Variants in SSR1 observed in about 807,000 individuals in gnomAD.
SSR1 encodes the protein signal sequence receptor subunit 1.
In SSR1, 13 loss-of-function variants were observed where a neutral mutation model predicts 36.1. That is an observed-to-expected ratio of 0.36 (90% CI 0.23 to 0.57). The LOEUF (loss-of-function observed/expected upper bound fraction) is 0.57, where lower values mean the gene tolerates loss of function less well. Ranked by LOEUF, SSR1 falls within the 20% of genes least tolerant of loss-of-function variation. The pLI is 0.81. For missense variants in SSR1, 291 were observed against 338.5 expected, an observed-to-expected ratio of 0.86 and a Z score of 1.10; for synonymous variants, 113 against 118.9, an observed-to-expected ratio of 0.95 and a Z score of 0.32.
At chr6:7,298,225 CA>C (rs1254904152) in intron 5 of SSR1, among the ~76,000 whole-genome samples, 3 of 152,076 alleles carry the variant, frequency 2.0e-5, no homozygotes, top group African/African-American at 7.2e-5. Flanking sequence ...AATAGAATTA[CA>C]ATTTATGCTC....
At position 7,289,066 on chromosome 6, in the gene SSR1, C is replaced by T. The variant is rs1442986208; in HGVS notation, c.*798G>A. The T allele has an allele frequency of 6.6e-6, 1 of 152,170 alleles. No individual in the cohort carries two copies. Among genetic ancestry groups the T allele is most frequent in the African/African-American group, 2.4e-5 (1 of 41,436 alleles). 9.4% of individuals were successfully genotyped at this position (152,170 alleles called of 1,614,324 possible). On this transcript the variant is annotated 3_prime_UTR_variant, in exon 8 of 8. Transcript: ENST00000244763. ...AAAACAAAACAAAAAAACCTACACACAACTGAGTGAGTAGGTCTAAAATCA... is the reference window on the plus strand; with the variant it reads ...AAAACAAAACAAAAAAACCTACACATAACTGAGTGAGTAGGTCTAAAATCA...
chr6:7,312,649 G>A (rs1295726418), intron 1 of SSR1, among the ~76,000 whole-genome samples: 1 of 152,228 alleles, frequency 6.6e-6, no homozygotes, highest in African/African-American at 2.4e-5. Context: ...AGCGGAGCCG[G>A]AGGTGGCCAA....
chr6:7,310,324 C>T (rs757491822), intron 1 of SSR1, among the ~76,000 whole-genome samples: 2 of 151,036 alleles, frequency 1.3e-5, no homozygotes, highest in African/African-American at 4.9e-5. Flanking sequence ...AACTCCTGGG[C>T]CCAAGTGATC....
chr6:7,301,676 T>G (rs1757937367), intron 3 of SSR1, 104 bp from the exon 4 acceptor site: 1 of 1,257,850 alleles, frequency 8.0e-7, no homozygotes, highest in African/African-American at 1.5e-5. Flanking sequence ...CTGTGGACTT[T>G]GGTGTCAGAA....
chr6:7,297,618 G>A (rs1025684451), intron 6 of SSR1, among the ~76,000 whole-genome samples: 6 of 151,988 alleles, frequency 3.9e-5, no homozygotes, highest in African/African-American at 9.7e-5. Context: ...CCAGCTAACC[G>A]GGAGGCTGAG....
Position 7,303,546 on chromosome 6 carries a change from T to C in SSR1, c.280+4A>G. On this transcript the variant is annotated splice_donor_region_variant and intron_variant, in intron 3 of 7. Transcript: ENST00000244763. ...CTGAATTAAAACTAATACTTCTGTATTACCTTCTCCTTTTACAAACAGTAT... is the reference window on the plus strand; with the variant it reads ...CTGAATTAAAACTAATACTTCTGTACTACCTTCTCCTTTTACAAACAGTAT... 1.2e-6 allele frequency: 2 copies of C among 1,602,334 alleles called. No homozygotes were observed. The highest frequency in any genetic ancestry group is 1.7e-6 in the Non-Finnish European group (2 of 1,173,520).
intron 2 of SSR1, among the ~76,000 whole-genome samples, chr6:7,304,116 T>G (rs1757999787): frequency 6.6e-6 from 1 of 152,222 alleles, no homozygotes; most frequent in African/African-American, 2.4e-5. Context: ...TGCCTACCAA[T>G]TCTTTGGGGA....
chr6:7,297,109 A>G, intron 6 of SSR1: 2 of 342,788 alleles, frequency 5.8e-6, no homozygotes, highest in South Asian at 2.0e-5. Context: ...TAGTTCGACT[A>G]CTCAGGAAGC....
chr6:7,308,052 A>G (rs1254668230), intron 2 of SSR1, among the ~76,000 whole-genome samples: 1 of 152,238 alleles, frequency 6.6e-6, no homozygotes, highest in Non-Finnish European at 1.5e-5. Context: ...ATTAACAACA[A>G]TGCAGCAGAA....
chr6:7,291,322 G>C (rs1229746737), intron 7 of SSR1, among the ~76,000 whole-genome samples: 1 of 151,666 alleles, frequency 6.6e-6, no homozygotes, highest in Non-Finnish European at 1.5e-5. Context: ...CACTTGAACC[G>C]AGGGGCCGGA....
chr6:7,313,065 A>T lies in SSR1; in HGVS notation c.56T>A (p.Val19Asp). Residue 19 changes from valine to aspartate, a missense_variant, in exon 1 of 8, where the codon GTC (valine) becomes GAC (aspartate). By Grantham distance (152) the Val-to-Asp change is radical. Coordinates refer to ENST00000244763, the MANE Select transcript of SSR1 (RefSeq NM_003144.5). ...LLLLLVFPAT[V>D]LFRGGPRGLL... Reference sequence around the variant, plus strand: ...ACCTCTGGGGCCGCCTCGGAACAAGACAGTGGCAGGGAACACGAGTAAGAG... The same window carrying T: ...ACCTCTGGGGCCGCCTCGGAACAAGTCAGTGGCAGGGAACACGAGTAAGAG... The T allele has an allele frequency of 6.2e-7, 1 of 1,608,872 alleles. No individual in the cohort carries two copies. Among genetic ancestry groups the T allele is most frequent in the Non-Finnish European group, 8.5e-7 (1 of 1,177,562 alleles).
intron 4 of SSR1, among the ~76,000 whole-genome samples, 154 bp downstream of exon 4, chr6:7,301,153 TGAA>T (rs1172552512): frequency 2.0e-5 from 3 of 152,296 alleles, no homozygotes; most frequent in South Asian, 2.1e-4. Context: ...GGATTAGACT[TGAA>T]GAAGAAACGT....
chr6:7,310,872 C>G (rs1380116860), intron 1 of SSR1, among the ~76,000 whole-genome samples: 1 of 152,152 alleles, frequency 6.6e-6, no homozygotes, highest in Non-Finnish European at 1.5e-5. Context: ...GATTGTACCA[C>G]TGCACTCCAG....
In SSR1 at chr6:7,288,958, C is replaced by G. The variant is rs778726650; in HGVS notation, c.*906G>C. On this transcript the variant is annotated 3_prime_UTR_variant, in exon 8 of 8. Transcript: ENST00000244763. ...CTGGGAAATATCTCTGTCCTGATAA[C>G]TTGGTTTTCTGCTTAGTGTGTGGAC... The G allele has an allele frequency of 1.3e-5, 2 of 152,182 alleles. No homozygotes were observed. Among genetic ancestry groups the G allele is most frequent in the Non-Finnish European group, 1.5e-5 (1 of 68,032 alleles). The allele number at this position is 152,182 out of a possible 1,614,324, so 9.4% of individuals were successfully genotyped here. A position where few individuals can be genotyped will look rare whatever the true frequency, so the allele number is the denominator to read the frequency against.
intron 7 of SSR1, among the ~76,000 whole-genome samples, chr6:7,292,732 G>GCT (rs3029822): frequency 0.37 from 55,995 of 151,732 alleles, 10,390 homozygotes; most frequent in South Asian, 0.43. Context: ...CTTTAAAGTG[G>GCT]CTCTTTGACC....
intron 4 of SSR1, 122 bp downstream of exon 4, chr6:7,301,187 TG>T: frequency 2.5e-6 from 3 of 1,201,512 alleles, no homozygotes; most frequent in Non-Finnish European, 3.4e-6. Context: ...TTTGCTTCCC[TG>T]GTGGCTATCA....
At chr6:7,310,633 CG>C (rs1220312190) in intron 1 of SSR1, among the ~76,000 whole-genome samples, 1 of 152,108 alleles carries the variant, frequency 6.6e-6, no homozygotes, top group Non-Finnish European at 1.5e-5. Context: ...CATTCTTGGC[CG>C]GCGCGGTGGC....
rs1313438089 is a variant in SSR1, at chr6:7,284,428, ATTCAGAATTTACCTACT to A, written c.*5419_*5435del. 1 of 152,234 alleles carries A rather than the reference ATTCAGAATTTACCTACT, an allele frequency of 6.6e-6. No individual in the cohort carries two copies. The highest frequency in any genetic ancestry group is 1.5e-5 in the Non-Finnish European group (1 of 68,050). 9.4% of individuals were successfully genotyped at this position (152,234 alleles called of 1,614,324 possible). A position where few individuals can be genotyped will look rare whatever the true frequency, so the allele number is the denominator to read the frequency against. On this transcript the variant is annotated 3_prime_UTR_variant, in exon 8 of 8. Coordinates refer to ENST00000244763, the MANE Select transcript of SSR1 (RefSeq NM_003144.5). ...AAAAAGAATACTATGTAGCTTACAT[ATTCAGAATTTACCTACT>A]ACCCCACCACATCAAAGTCCATAAG...
At chr6:7,293,700 C>G (rs558300626) in intron 7 of SSR1, among the ~76,000 whole-genome samples, 2 of 152,160 alleles carry the variant, frequency 1.3e-5, no homozygotes, top group Non-Finnish European at 2.9e-5. Flanking sequence ...AGGTGTGAAC[C>G]ACCACGCCTG....
Sources: gnomAD v4.1 joint callset for allele counts (sites outside exome capture counted in the v4.1 genomes callset) on GRCh38, gnomAD v4.1.1 for gene constraint, MANE v1.5 for transcripts, NCBI Gene and HGNC (gene_info 2026-07-23, HGNC 2026-07-21) for gene names.